CIZ1: variants seen among roughly 807,000 people sequenced by gnomAD.
CIZ1 encodes CDKN1A interacting zinc finger protein 1.
A neutral mutation model predicts 118.6 loss-of-function variants in CIZ1; 58 were observed. That is an observed-to-expected ratio of 0.49 (90% CI 0.40 to 0.61). CIZ1 has a LOEUF of 0.61. CIZ1 is among the 20% of genes least tolerant of loss of function. The pLI is 0.00. For missense variants in CIZ1, 921 were observed against 1,115.9 expected, an observed-to-expected ratio of 0.83 and a Z score of 2.49; for synonymous variants, 448 against 443.4, an observed-to-expected ratio of 1.01 and a Z score of -0.13.
At position 128,166,734 on chromosome 9, in the gene CIZ1, G is replaced by C; in HGVS notation, c.2487+25C>G. The C allele has an allele frequency of 6.2e-7, 1 of 1,614,072 alleles. No individual in the cohort carries two copies. Among genetic ancestry groups the C allele is most frequent in the South Asian group, 1.1e-5 (1 of 91,040 alleles). On this transcript the variant is annotated intron_variant, in intron 16 of 16. Transcript: ENST00000372938. The surrounding 1 kb of genome is among the most constrained non-coding windows in gnomAD (Gnocchi z 4.4). ...TAAGACTAAGTCTGTGGCCAGGGGAGGACAGGGCAGGATGTCCGGCTCACC... is the reference window on the plus strand; with the variant it reads ...TAAGACTAAGTCTGTGGCCAGGGGACGACAGGGCAGGATGTCCGGCTCACC...
chr9:128,203,433 C>G lies in CIZ1; in HGVS notation c.-6+753G>C. On this transcript the variant is annotated intron_variant, in intron 1 of 17. Transcript: ENST00000372948. This position sits in a 1 kb window ranked among gnomAD's most constrained non-coding sequence, Gnocchi z 5.3. The stretch of plus-strand genomic sequence containing the variant: ...CCGGAGTCGGAGCCGGGAGCGCTAG[C>G]GGCAGCCGGATCGCAGCCTGCGGGG... 1 of 1,427,540 alleles carries G rather than the reference C, an allele frequency of 7.0e-7. No individual in the cohort carries two copies. The highest frequency in any genetic ancestry group is 2.8e-5 in the Admixed American group (1 of 36,176). The allele number at this position is 1,427,540 out of a possible 1,614,324, so 88.4% of individuals were successfully genotyped here.
upstream of CIZ1, among the ~76,000 whole-genome samples, chr9:128,194,880 C>G (rs916842194): frequency 1.3e-5 from 2 of 152,176 alleles, no homozygotes; most frequent in Non-Finnish European, 2.9e-5. Flanking sequence ...CGCAGTGGCA[C>G]GATCATAGCT....
chr9:128,179,059 G>A lies in CIZ1; in HGVS notation c.1148C>T (p.Ala383Val), dbSNP rs1221018895. The change falls in exon 8 of 17, where the codon GCA becomes GTA. Residue 383 changes from alanine (A) to valine (V), a missense_variant. By Grantham distance (64) the Ala-to-Val change is moderately conservative (BLOSUM62 0). Transcript: ENST00000372938. The stretch of plus-strand genomic sequence containing the variant: ...CACCTGCCTTGGGCCCTGTGAATGT[G>A]CCTGTGGCTGTACCTGTGGCTGCAC... Reference protein sequence around the residue: ...KQVQPQVQPQAHSQGPRQVQL... With the variant: ...KQVQPQVQPQVHSQGPRQVQL... The A allele has an allele frequency of 6.2e-7, 1 of 1,613,078 alleles. No individual in the cohort carries two copies. Among genetic ancestry groups the A allele is most frequent in the South Asian group, 1.1e-5 (1 of 91,048 alleles).
chr9:128,195,037 G>T (rs1016695851), upstream of CIZ1, among the ~76,000 whole-genome samples: 1 of 152,118 alleles, frequency 6.6e-6, no homozygotes, highest in East Asian at 1.9e-4. Context: ...GCCCGGGCTG[G>T]TCTTGAACTC....
intron 4 of CIZ1, 130 bp from the exon 5 acceptor site, chr9:128,185,906 G>A: frequency 1.4e-6 from 1 of 708,862 alleles, no homozygotes; most frequent in South Asian, 1.6e-5. Context: ...CCACCCAAGG[G>A]CAGCCAAAGG....
Position 128,190,437 on chromosome 9 carries a change from G to A in CIZ1, c.178C>T (p.Pro60Ser). The A allele has an allele frequency of 6.2e-7, 1 of 1,612,126 alleles. No homozygotes were observed. Among genetic ancestry groups the A allele is most frequent in the African/African-American group, 1.3e-5 (1 of 75,002 alleles). ...PLPMAVSRGLPPQQPQQPLLN... is the reference protein window; with the variant it reads ...PLPMAVSRGLSPQQPQQPLLN... ...AGCGGCTGCTGTGGCTGCTGCGGGG[G>A]GAGCCCCCTGTGTGTTGGGAGGGGG... Residue 60 changes from proline (P) to serine (S), a missense_variant, in exon 3 of 17, where the codon CCC (proline) becomes TCC (serine). Physicochemically the swap from Pro to Ser is moderately conservative, Grantham distance 74. Transcript: ENST00000372938.
chr9:128,202,152 G>A (rs1319238016), intron 1 of CIZ1, among the ~76,000 whole-genome samples: 4 of 152,138 alleles, frequency 2.6e-5, no homozygotes, highest in South Asian at 2.1e-4. Context: ...CAACAAATAC[G>A]CATTAAATGG....
chr9:128,176,485 G>A lies in CIZ1; in HGVS notation c.1819-10C>T, dbSNP rs1454813166. ...TGTGGTCCTGGAACTCCTGCAGCAG[G>A]AGGGAAAGAGGGATGGGCCTGGGGC... is the stretch of plus-strand genomic sequence containing the variant. On this transcript the variant is annotated splice_polypyrimidine_tract_variant and intron_variant, in intron 10 of 16. Coordinates refer to ENST00000372938, the MANE Select transcript of CIZ1 (RefSeq NM_001131016.2). 2 of 1,611,358 alleles carry A rather than the reference G, an allele frequency of 1.2e-6. No individual in the cohort carries two copies. The highest frequency in any genetic ancestry group is 1.7e-6 in the Non-Finnish European group (2 of 1,179,448).
chr9:128,195,519 T>C (rs1420647231), upstream of CIZ1, among the ~76,000 whole-genome samples: 3 of 152,166 alleles, frequency 2.0e-5, no homozygotes, highest in East Asian at 5.8e-4. Flanking sequence ...GGTTCCACCA[T>C]GTTGACTAGG....
rs45548032 is a variant in CIZ1, at chr9:128,169,740, C to T, written c.2032-221G>A. The T allele has an allele frequency of 9.2e-6, 14 of 1,523,654 alleles. No homozygotes were observed. The Admixed American group carries it at 2.6e-4, about 28-fold the overall frequency. The allele number at this position is 1,523,654 out of a possible 1,614,324, so 94.4% of individuals were successfully genotyped here. A position where few individuals can be genotyped will look rare whatever the true frequency, so the allele number is the denominator to read the frequency against. On this transcript the variant is annotated intron_variant, in intron 12 of 16. Coordinates refer to ENST00000372938, the MANE Select transcript of CIZ1 (RefSeq NM_001131016.2). ...GGCAGATGGCAACACAGAGACAGGA[C>T]AGACACAGAGAGAAGACGAGAGAGA...
At chr9:128,200,268 T>A (rs1017948827) in intron 1 of CIZ1, 5 of 152,100 alleles carry the variant, frequency 3.3e-5, no homozygotes, top group Non-Finnish European at 5.9e-5. Context: ...ATAGTGGTTA[T>A]CTCTAGGTGG....
intron 11 of CIZ1, among the ~76,000 whole-genome samples, chr9:128,171,432 A>C (rs1830104846): frequency 6.6e-6 from 1 of 151,910 alleles, no homozygotes; most frequent in Non-Finnish European, 1.5e-5. Flanking sequence ...GTCTCAAAAA[A>C]TAAAATAAAA....
chr9:128,182,448 G>A (rs998559166), intron 5 of CIZ1, among the ~76,000 whole-genome samples: 1 of 152,004 alleles, frequency 6.6e-6, no homozygotes, highest in Non-Finnish European at 1.5e-5. Context: ...GCCCAGTGGG[G>A]TCCTTCTAAA....
chr9:128,182,268 T>C (rs1348601746), intron 5 of CIZ1, among the ~76,000 whole-genome samples: 2 of 152,118 alleles, frequency 1.3e-5, no homozygotes, highest in Non-Finnish European at 2.9e-5. Flanking sequence ...CCTTTTCTCT[T>C]ATCTCTGTCT....
intron 13 of CIZ1, 84 bp downstream of exon 13, chr9:128,169,322 G>A: frequency 7.6e-6 from 11 of 1,440,310 alleles, no homozygotes; most frequent in Non-Finnish European, 1.1e-5. Context: ...AGTTTGGGCT[G>A]GGATAAACCT....
Position 128,191,384 on chromosome 9 carries a change from C to G in CIZ1, c.-6+48G>C, listed in dbSNP as rs994695723. 3 of 751,448 alleles carry G rather than the reference C, an allele frequency of 4.0e-6. No homozygotes were observed. The highest frequency in any genetic ancestry group is 1.9e-5 in the African/African-American group (1 of 53,126). The allele number at this position is 751,448 out of a possible 1,614,324, so 46.5% of individuals were successfully genotyped here. On this transcript the variant is annotated intron_variant, in intron 1 of 16. Transcript: ENST00000372938. The surrounding 1 kb of genome is among the most constrained non-coding windows in gnomAD (Gnocchi z 5.5). ...CCAGCCGCCTCCTCCGCAGACACAG[C>G]CAGCTCGCAGGCGGAGCCCCACGAC...
chr9:128,200,568 G>T (rs1833486935), intron 1 of CIZ1, among the ~76,000 whole-genome samples: 1 of 151,148 alleles, frequency 6.6e-6, no homozygotes, highest in Admixed American at 6.6e-5. Context: ...TGAGGCAGGA[G>T]AATTCCTTGA....
At chr9:128,182,042 T>C (rs62587081) in intron 5 of CIZ1, among the ~76,000 whole-genome samples, 4 of 152,198 alleles carry the variant, frequency 2.6e-5, no homozygotes, top group Non-Finnish European at 4.4e-5. Context: ...GTCTTTCTCT[T>C]TGTCTCCTCT....
At position 128,173,984 on chromosome 9, in the gene CIZ1, T is replaced by C. The variant is rs368728860; in HGVS notation, c.1943+2367A>G. ...TCGCGCCACTGCACTCCAGCCTGGG[T>C]GACAGAGCGAGACTCCATCTCAAAA... On this transcript the variant is annotated intron_variant, in intron 11 of 16. Coordinates refer to ENST00000372938, the MANE Select transcript of CIZ1 (RefSeq NM_001131016.2). Among the ~76,000 whole-genome samples the C allele has an allele frequency of 3.3e-3, 492 of 150,244 alleles. 1 individual carries two copies. The highest frequency in any genetic ancestry group is 7.4e-3 in the East Asian group (37 of 5,028).
Sources: gnomAD v4.1 joint callset for allele counts (sites outside exome capture counted in the v4.1 genomes callset) on GRCh38, gnomAD v4.1.1 for gene constraint, Gnocchi (gnomAD v3.1) non-coding constraint, MANE v1.5 for transcripts, NCBI Gene and HGNC (gene_info 2026-07-23, HGNC 2026-07-21) for gene names.